The following AFF1 variants were observed in gnomAD, a reference collection of about 807,000 sequenced individuals.
AFF1 encodes ALF transcription elongation factor 1.
A neutral mutation model predicts 121.7 loss-of-function variants in AFF1; 48 were observed. The ratio of observed to expected loss-of-function variants is 0.39; its 90% CI spans 0.31 to 0.50. The LOEUF is 0.50. Among genes scored for constraint, AFF1 ranks in the 20% least tolerant of loss-of-function variants. The pLI is 0.76. For missense variants in AFF1, 1,523 were observed against 1,511.7 expected (o/e 1.01, Z -0.12); for synonymous variants, 613 against 563.0 (o/e 1.09, Z -1.26).
At chr4:87,100,590 A>G (rs886558425) in intron 8 of AFF1, among the ~76,000 whole-genome samples, 1 of 152,044 alleles carries the variant, frequency 6.6e-6, no homozygotes, top group African/African-American at 2.4e-5. Context: ...GAAATGGTGT[A>G]TTTTAGTTGT....
At chr4:87,092,137 GCTGGGC>G (rs1724378911) in intron 7 of AFF1, among the ~76,000 whole-genome samples, 1 of 152,146 alleles carries the variant, frequency 6.6e-6, no homozygotes, top group South Asian at 2.1e-4. Flanking sequence ...AGAAAAATTA[GCTGGGC>G]TTGGAGTCAT....
chr4:87,126,279 C>G lies in AFF1; in HGVS notation c.2754C>G (p.Ser918=). 6.2e-7 allele frequency: 1 copy of G among 1,614,112 alleles called. No individual in the cohort carries two copies. The highest frequency in any genetic ancestry group is 8.5e-7 in the Non-Finnish European group (1 of 1,180,030). Residue 918 remains serine (S), a synonymous_variant, in exon 14 of 21, where the codon TCC becomes TCG. Coordinates refer to ENST00000395146, the MANE Select transcript of AFF1 (RefSeq NM_001166693.3). ...CCAAGAGCAACCACAAAGACTCTTC[C>G]ATTCCCAAGCAGAGAAGAGTAGAGG... ...SSTKSNHKDS[S]IPKQRRVEGK... is the part of the protein sequence containing the mutation.
chr4:87,078,454 G>C (rs1012558246), intron 4 of AFF1, among the ~76,000 whole-genome samples: 1 of 152,136 alleles, frequency 6.6e-6, no homozygotes, highest in African/African-American at 2.4e-5. Flanking sequence ...AACTTCCATG[G>C]AACATATTAT....
At chr4:87,084,048 A>G (rs1240190762) in intron 4 of AFF1, 72 bp from the exon 5 acceptor site, 1 of 1,359,300 alleles carries the variant, frequency 7.4e-7, no homozygotes, top group Non-Finnish European at 1.1e-6. Context: ...CTGCATTAAT[A>G]CAGTCATCCA....
Position 86,985,197 on chromosome 4 carries a change from AT to A in AFF1, c.38+36627del, listed in dbSNP as rs1425936982. On this transcript the variant is annotated intron_variant, in intron 2 of 20. Coordinates refer to ENST00000395146, the MANE Select transcript of AFF1 (RefSeq NM_001166693.3). ...TATGTATTACTATATATATATATATATATATATATATATATATAAAATTATA... is the reference window on the plus strand; with the variant it reads ...TATGTATTACTATATATATATATATAATATATATATATATATAAAATTATA... 3.9e-5 allele frequency among the ~76,000 whole-genome samples: 5 copies of A among 127,748 alleles called. 1 individual carries two copies. The highest frequency in any genetic ancestry group is 1.3e-4 in the African/African-American group (4 of 30,708). 83.8% of individuals were successfully genotyped at this position (127,748 alleles called of 152,430 possible). A position where few individuals can be genotyped will look rare whatever the true frequency, so the allele number is the denominator to read the frequency against.
At chr4:87,013,027 A>C (rs1726937792) in intron 2 of AFF1, among the ~76,000 whole-genome samples, 1 of 116,968 alleles carries the variant, frequency 8.5e-6, no homozygotes. Context: ...AACTGCTATC[A>C]AGTTCTTTTT....
chr4:86,958,729 AAAAT>A (rs1467140465), intron 2 of AFF1, among the ~76,000 whole-genome samples: 1 of 152,108 alleles, frequency 6.6e-6, no homozygotes, highest in Admixed American at 6.5e-5. Flanking sequence ...AAAATAAAAT[AAAAT>A]AAATAATAAA....
chr4:87,049,177 G>A (rs1038818550), intron 4 of AFF1, among the ~76,000 whole-genome samples: 2 of 149,680 alleles, frequency 1.3e-5, no homozygotes. Flanking sequence ...AGACAAATTA[G>A]CAAATATTTG....
chr4:87,080,695 G>C (rs1246763727), intron 4 of AFF1, among the ~76,000 whole-genome samples: 2 of 152,198 alleles, frequency 1.3e-5, no homozygotes, highest in Non-Finnish European at 2.9e-5. Context: ...AGGATGTAAC[G>C]GTTTAACTGC....
At position 87,046,271 on chromosome 4, in the gene AFF1, T is replaced by G; in HGVS notation, c.144T>G (p.Phe48Leu). ...CATTTCCTGAAAAGATTCCCCTTTTTGGAGAGCCCTACAAGGTATTTACTG... is the reference window on the plus strand; with the variant it reads ...CATTTCCTGAAAAGATTCCCCTTTTGGGAGAGCCCTACAAGGTATTTACTG... ...KEAFPEKIPL[F>L]GEPYKTAKGD... Residue 48 changes from phenylalanine (F) to leucine (L), a missense_variant, in exon 3 of 21, where the codon TTT (phenylalanine) becomes TTG (leucine). Around this residue, in one of 5 missense-constraint regions of AFF1, gnomAD observed 369 missense variants for 367.2 expected, o/e 1.00. Transcript: ENST00000395146. The G allele has an allele frequency of 6.2e-7, 1 of 1,613,522 alleles. No homozygotes were observed. Among genetic ancestry groups the G allele is most frequent in the Non-Finnish European group, 8.5e-7 (1 of 1,179,860 alleles).
rs1560635253 is a variant in AFF1 at position 87,110,998 on chromosome 4, A to ATTTATTTT, written c.1533+2686_1533+2687insATTTTTTT. On this transcript the variant is annotated intron_variant, in intron 11 of 20. Transcript: ENST00000395146. Reference sequence around the variant, plus strand: ...TGGCACTTTTATCTACTTAAACTTTATTTTTTTTTTTTTATTTTTTTTTTT... The same window carrying ATTTATTTT: ...TGGCACTTTTATCTACTTAAACTTTATTTATTTTTTTTTTTTTTTTTATTTTTTTTTTT... 3.0e-4 allele frequency among the ~76,000 whole-genome samples: 24 copies of ATTTATTTT among 81,078 alleles called. 2 individuals are homozygous for ATTTATTTT. Among genetic ancestry groups the ATTTATTTT allele is most frequent in the African/African-American group, 1.2e-3 (22 of 17,774 alleles). 53.2% of individuals were successfully genotyped at this position (81,078 alleles called of 152,430 possible).
intron 2 of AFF1, among the ~76,000 whole-genome samples, chr4:86,994,519 C>T (rs1415379365): frequency 1.3e-5 from 2 of 152,204 alleles, no homozygotes; most frequent in Admixed American, 1.3e-4. Flanking sequence ...ATCTTAGCAG[C>T]TGCAACTGTA....
At chr4:86,968,732 G>C (rs1427996299) in intron 2 of AFF1, among the ~76,000 whole-genome samples, 2 of 152,210 alleles carry the variant, frequency 1.3e-5, no homozygotes, top group African/African-American at 4.8e-5. Flanking sequence ...AAATCACGAA[G>C]GCAGCTCAGG....
Position 87,067,095 on chromosome 4 carries a change from A to G in AFF1, c.1060-17025A>G, listed in dbSNP as rs143186367. Among the ~76,000 whole-genome samples, 548 of 152,282 alleles carry G rather than the reference A, an allele frequency of 3.6e-3. 4 individuals are homozygous for G. The highest frequency in any genetic ancestry group is 0.013 in the African/African-American group (529 of 41,546). ...CTTTCCCCTTTCAGAGGACATTTTCACAGAGATTCATGAAATAAAAGTTTG... is the reference window on the plus strand; with the variant it reads ...CTTTCCCCTTTCAGAGGACATTTTCGCAGAGATTCATGAAATAAAAGTTTG... On this transcript the variant is annotated intron_variant, in intron 4 of 20. Transcript: ENST00000395146.
intron 5 of AFF1, among the ~76,000 whole-genome samples, chr4:87,088,187 T>C (rs1723927451): frequency 6.6e-6 from 1 of 152,258 alleles, no homozygotes; most frequent in African/African-American, 2.4e-5. Flanking sequence ...TCTGGGTCTT[T>C]GGCTATAGCC....
At chr4:86,972,373 A>G (rs1328842389) in intron 2 of AFF1, among the ~76,000 whole-genome samples, 2 of 152,084 alleles carry the variant, frequency 1.3e-5, no homozygotes, top group African/African-American at 4.8e-5. Context: ...TATGGTAGTC[A>G]TTGGCCATAT....
In AFF1 at chr4:87,105,664, G is replaced by A. The variant is rs757966329; in HGVS notation, c.1320G>A (p.Glu440=). 1 of 1,614,034 alleles carries A rather than the reference G, an allele frequency of 6.2e-7. No homozygotes were observed. Among genetic ancestry groups the A allele is most frequent in the African/African-American group, 1.3e-5 (1 of 74,922 alleles). Residue 440 remains glutamate, a synonymous_variant, in exon 9 of 21, where the codon GAG becomes GAA. Coordinates refer to ENST00000395146, the MANE Select transcript of AFF1 (RefSeq NM_001166693.3). ...ACGACCTTCAGCTCAGTGACAGTGA[G>A]GACAGTGACAGTGAACAAGTAAGTG... ...LEDDLQLSDS[E]DSDSEQTPEK... is the part of the protein sequence containing the mutation.
chr4:87,044,626 A>G (rs1393821490), intron 2 of AFF1, among the ~76,000 whole-genome samples: 2 of 152,214 alleles, frequency 1.3e-5, no homozygotes, highest in Non-Finnish European at 2.9e-5. Flanking sequence ...AAAGCATCAA[A>G]GTCTAGGATA....
chr4:86,974,940 C>A (rs546066000), intron 2 of AFF1, among the ~76,000 whole-genome samples: 1 of 152,244 alleles, frequency 6.6e-6, no homozygotes, highest in South Asian at 2.1e-4. Context: ...CTAACTGTTG[C>A]CTCTTCCATC....
Sources: allele counts gnomAD v4.1 joint callset (sites outside exome capture counted in the v4.1 genomes callset), GRCh38; gene constraint gnomAD v4.1.1; regional missense constraint gnomAD v4.1.1; transcripts MANE v1.5; gene names NCBI Gene and HGNC (gene_info 2026-07-23, HGNC 2026-07-21).